The following RAB11FIP3 variants were observed in gnomAD, a reference collection of about 807,000 sequenced individuals.
The protein encoded by RAB11FIP3 is rab11 family-interacting protein 3.
In RAB11FIP3, 17 loss-of-function variants were observed where a neutral mutation model predicts 77.8. The observed-to-expected ratio is 0.22, with a 90% CI of 0.15 to 0.33. The LOEUF is 0.33. Among genes scored for constraint, RAB11FIP3 ranks in the 10% least tolerant of loss-of-function variants. The pLI, the probability that RAB11FIP3 is intolerant of heterozygous loss-of-function variation, is 1.00. For missense variants in RAB11FIP3, 1,005 were observed against 1,011.2 expected, an observed-to-expected ratio of 0.99 and a Z score of 0.08; for synonymous variants, 437 against 448.2, an observed-to-expected ratio of 0.98 and a Z score of 0.31.
intron 8 of RAB11FIP3, among the ~76,000 whole-genome samples, chr16:510,057 G>A (rs1442503521): frequency 6.6e-5 from 10 of 151,898 alleles, no homozygotes; most frequent in Non-Finnish European, 1.3e-4. Context: ...TGGGCTCTGA[G>A]CGCACGCGTT....
At chr16:427,584 A>T (rs775129539) in intron 1 of RAB11FIP3, among the ~76,000 whole-genome samples, 2 of 152,258 alleles carry the variant, frequency 1.3e-5, no homozygotes, top group African/African-American at 4.8e-5. Context: ...TGTTCTGCCA[A>T]TAACCCGGTG....
chr16:492,394 C>CCAGGGCCCT (rs2030459324), intron 5 of RAB11FIP3, among the ~76,000 whole-genome samples: 1 of 32,144 alleles, frequency 3.1e-5, no homozygotes, highest in African/African-American at 1.3e-4. Context: ...CCAGAGCCCT[C>CCAGGGCCCT]CCCGGGAGAC....
rs575294406 is a variant in RAB11FIP3 at position 466,127 on chromosome 16, T to C, written c.808+4630T>C. On this transcript the variant is annotated intron_variant, in intron 2 of 13. Coordinates refer to ENST00000262305, the MANE Select transcript of RAB11FIP3 (RefSeq NM_014700.4). ...TCGGCTTGTCATAGGGTAAACTTGC[T>C]CTGCACAATGTGGCTGGCAGAGCGT... Among the ~76,000 whole-genome samples, 7 of 152,308 alleles carry C rather than the reference T, an allele frequency of 4.6e-5. No individual in the cohort carries two copies. The South Asian group carries it at 1.0e-3, about 23-fold the overall frequency.
intron 3 of RAB11FIP3, among the ~76,000 whole-genome samples, chr16:477,175 A>G (rs1216699160): frequency 1.3e-5 from 2 of 151,672 alleles, no homozygotes; most frequent in East Asian, 3.9e-4. Flanking sequence ...AATCGCTTGG[A>G]CCTGGGAGGC....
intron 8 of RAB11FIP3, among the ~76,000 whole-genome samples, chr16:509,458 C>T (rs892876588): frequency 4.6e-5 from 7 of 152,250 alleles, no homozygotes; most frequent in African/African-American, 9.6e-5. Context: ...TTCACTCCTG[C>T]GTGTGAGGCA....
chr16:476,063 C>T (rs1313028916), intron 3 of RAB11FIP3, among the ~76,000 whole-genome samples: 5 of 152,168 alleles, frequency 3.3e-5, no homozygotes, highest in Non-Finnish European at 7.3e-5. Flanking sequence ...ACCATATTGG[C>T]CAGGCTGGTC....
At chr16:501,897 G>T (rs753626682) in intron 6 of RAB11FIP3, among the ~76,000 whole-genome samples, 3 of 149,504 alleles carry the variant, frequency 2.0e-5, no homozygotes, top group Non-Finnish European at 3.0e-5. Context: ...CATTTTATAG[G>T]CAAGGAGTCT....
chr16:483,943 C>G (rs2056098718), intron 4 of RAB11FIP3, among the ~76,000 whole-genome samples: 1 of 152,116 alleles, frequency 6.6e-6, no homozygotes, highest in Admixed American at 6.5e-5. Context: ...ACTGAAGCAG[C>G]ATCTTGCATG....
chr16:483,994 G>A (rs927372304), intron 4 of RAB11FIP3, among the ~76,000 whole-genome samples: 1 of 152,104 alleles, frequency 6.6e-6, no homozygotes, highest in South Asian at 2.1e-4. Flanking sequence ...GCATAAACCC[G>A]GCCCTTGGGC....
intron 1 of RAB11FIP3, among the ~76,000 whole-genome samples, chr16:443,123 A>G (rs890730366): frequency 3.9e-5 from 6 of 152,088 alleles, no homozygotes; most frequent in Middle Eastern, 3.2e-3. Context: ...CAGCCCTGTG[A>G]TGCATTTTAA....
intron 1 of RAB11FIP3, among the ~76,000 whole-genome samples, chr16:436,744 A>G (rs893372537): frequency 5.9e-5 from 9 of 152,150 alleles, no homozygotes; most frequent in African/African-American, 1.9e-4. Context: ...TGCTGGGATT[A>G]CAGATATGAG....
At position 426,416 on chromosome 16, in the gene RAB11FIP3, G is replaced by T. The variant is rs1354686304; in HGVS notation, c.410G>T (p.Cys137Phe). 6.3e-7 allele frequency: 1 copy of T among 1,583,668 alleles called. No individual in the cohort carries two copies. The highest frequency in any genetic ancestry group is 8.6e-7 in the Non-Finnish European group (1 of 1,166,626). Reference sequence around the variant, plus strand: ...CCCGAGGAGTGTGGCCCCGCGAGCTGCCCGGAGAGCGCGCCTTTCCGCTTG... The same window carrying T: ...CCCGAGGAGTGTGGCCCCGCGAGCTTCCCGGAGAGCGCGCCTTTCCGCTTG... ...EEPEECGPAS[C>F]PESAPFRLQG... The change falls in exon 1 of 14, where the codon TGC becomes TTC. Residue 137 changes from cysteine to phenylalanine, a missense_variant. Cys to Phe is a radical substitution (Grantham distance 205). Around this residue, in one of 4 missense-constraint regions of RAB11FIP3, gnomAD observed 466 missense variants for 408.3 expected, o/e 1.14. Coordinates refer to ENST00000262305, the MANE Select transcript of RAB11FIP3 (RefSeq NM_014700.4). The surrounding 1 kb of genome is among the most constrained non-coding windows in gnomAD (Gnocchi z 5.0).
intron 3 of RAB11FIP3, among the ~76,000 whole-genome samples, chr16:480,649 G>A (rs778077979): frequency 1.4e-4 from 21 of 151,864 alleles, no homozygotes; most frequent in Non-Finnish European, 2.6e-4. Flanking sequence ...ACAGGTGCCC[G>A]CCACCACACC....
Position 520,116 on chromosome 16 carries a change from C to T in RAB11FIP3, c.1861-6C>T, listed in dbSNP as rs1261712329. The T allele has an allele frequency of 2.5e-5, 38 of 1,545,408 alleles. No homozygotes were observed. The highest frequency in any genetic ancestry group is 3.2e-5 in the Non-Finnish European group (37 of 1,147,214). On this transcript the variant is annotated splice_polypyrimidine_tract_variant and splice_region_variant and intron_variant, in intron 11 of 13. Coordinates refer to ENST00000262305, the MANE Select transcript of RAB11FIP3 (RefSeq NM_014700.4). ...CCCCCCGGCTCACTGCACGGTTGCCCTGCAGCTGATCGAGGACCTCCGAAA... is the reference window on the plus strand; with the variant it reads ...CCCCCCGGCTCACTGCACGGTTGCCTTGCAGCTGATCGAGGACCTCCGAAA...
At chr16:459,219 C>T (rs1312526155) in intron 1 of RAB11FIP3, among the ~76,000 whole-genome samples, 2 of 151,256 alleles carry the variant, frequency 1.3e-5, no homozygotes, top group Non-Finnish European at 2.9e-5. Flanking sequence ...CTCCACCTCC[C>T]GGATTCAAGC....
intron 3 of RAB11FIP3, chr16:475,234 C>G (rs1343321626): frequency 9.7e-7 from 1 of 1,029,912 alleles, no homozygotes; most frequent in African/African-American, 1.6e-5. Context: ...CGGGCTTTTT[C>G]TCTGTCCGCT....
intron 1 of RAB11FIP3, among the ~76,000 whole-genome samples, chr16:450,646 CTT>C (rs895215017): frequency 2.6e-4 from 40 of 152,132 alleles, no homozygotes; most frequent in Non-Finnish European, 5.9e-5. Flanking sequence ...CCCCACTTCT[CTT>C]TTTTGTACAG....
intron 1 of RAB11FIP3, among the ~76,000 whole-genome samples, chr16:456,721 C>T (rs939439923): frequency 6.6e-6 from 1 of 152,186 alleles, no homozygotes; most frequent in African/African-American, 2.4e-5. Context: ...CGCACCACTG[C>T]ACTCCATCCT....
At chr16:470,273 C>T (rs1567375437) in intron 2 of RAB11FIP3, among the ~76,000 whole-genome samples, 2 of 152,044 alleles carry the variant, frequency 1.3e-5, no homozygotes, top group Non-Finnish European at 2.9e-5. Flanking sequence ...GCTGGGATTA[C>T]GAGTGTGAGC....
Sources: gnomAD v4.1 joint callset for allele counts (sites outside exome capture counted in the v4.1 genomes callset) on GRCh38, gnomAD v4.1.1 for gene constraint, gnomAD v4.1.1 regional missense constraint, Gnocchi (gnomAD v3.1) non-coding constraint, MANE v1.5 for transcripts, NCBI Gene and HGNC (gene_info 2026-07-23, HGNC 2026-07-21) for gene names.